Variants in TPM1 observed in about 807,000 individuals in gnomAD.
TPM1 encodes tropomyosin 1, also known as tropomyosin alpha-1 chain.
Under a neutral mutation model 42.9 loss-of-function variants are expected in TPM1, and 24 were observed. The observed-to-expected ratio is 0.56, with a 90% confidence interval of 0.41 to 0.79. The LOEUF (loss-of-function observed/expected upper bound fraction) is 0.79. Ranked by LOEUF, TPM1 falls within the 30% of genes least tolerant of loss-of-function variation. The pLI is 0.00. For synonymous variants in TPM1, 136 were observed against 130.1 expected (o/e 1.05, Z -0.31); for missense variants, 158 against 351.8 (o/e 0.45, Z 4.41).
chr15:63,045,360 TG>T (rs1277547021), intron 2 of TPM1: 2 of 152,232 alleles, frequency 1.3e-5, no homozygotes, highest in East Asian at 1.9e-4. Flanking sequence ...AAAGGGGATT[TG>T]GGGGGAAGCA....
At chr15:63,048,654 C>A (rs1394600820) in intron 2 of TPM1, 10 of 1,538,550 alleles carry the variant, frequency 6.5e-6, no homozygotes, top group Non-Finnish European at 8.7e-6. Flanking sequence ...CGCTGAGGAG[C>A]GCGCGGGCAC....
chr15:63,056,501 C>T lies in TPM1; in HGVS notation c.241-484C>T, dbSNP rs1484437033. 2.2e-5 allele frequency: 5 copies of T among 222,686 alleles called. No homozygotes were observed. In the Admixed American group the frequency reaches 2.7e-4, roughly 12 times the overall value. The allele number at this position is 222,686 out of a possible 1,614,324, so 13.8% of individuals were successfully genotyped here. On this transcript the variant is annotated intron_variant, in intron 2 of 9. Transcript: ENST00000403994. ...CTAACACGGTGAAACCCCGTCTCTA[C>T]TAAAAATACAAAAAAATTAGCCGGG...
At chr15:63,062,325 G>A (rs2035747645) in intron 7 of TPM1, 48 bp downstream of exon 7, 1 of 1,572,512 alleles carries the variant, frequency 6.4e-7, no homozygotes. Flanking sequence ...AAATGAGTTT[G>A]TTTTCATGGA....
chr15:63,064,990 A>G (rs1032513684), intron 9 of TPM1: 4 of 985,146 alleles, frequency 4.1e-6, no homozygotes, highest in Non-Finnish European at 4.8e-6. Context: ...ATGGTAGAGT[A>G]AAAAGAACCC....
At chr15:63,061,074 C>T in intron 5 of TPM1, 135 bp downstream of exon 5, 1 of 1,455,148 alleles carries the variant, frequency 6.9e-7, no homozygotes, top group Non-Finnish European at 9.6e-7. Context: ...GTGGATGAGC[C>T]ACGAGTATGG....
chr15:63,060,178 A>G (rs1328474309), intron 4 of TPM1, among the ~76,000 whole-genome samples: 6 of 152,232 alleles, frequency 3.9e-5, no homozygotes, highest in African/African-American at 9.6e-5. Context: ...TCGTGTCCCC[A>G]TGAAAACAGC....
chr15:63,052,177 A>G (rs1488777341), intron 2 of TPM1, among the ~76,000 whole-genome samples: 1 of 152,226 alleles, frequency 6.6e-6, no homozygotes, highest in Non-Finnish European at 1.5e-5. Context: ...AGAAACTAGC[A>G]TCCCAGATTG....
chr15:63,063,261 A>C (rs1277042482), intron 8 of TPM1: 2 of 985,340 alleles, frequency 2.0e-6, no homozygotes, highest in Non-Finnish European at 2.4e-6. Flanking sequence ...AAGAAAGAAA[A>C]AAGACAAATA....
chr15:63,061,061 G>C, intron 5 of TPM1, 122 bp downstream of exon 5: 3 of 1,470,930 alleles, frequency 2.0e-6, no homozygotes, highest in Non-Finnish European at 2.8e-6. Flanking sequence ...GTGCTCATTT[G>C]ATGTGGATGA....
chr15:63,061,436 T>C, intron 5 of TPM1: 1 of 797,956 alleles, frequency 1.3e-6, no homozygotes, highest in African/African-American at 1.7e-5. Flanking sequence ...TGCTCCTTTG[T>C]TTTCCCTTCA....
At chr15:63,071,333 C>T in exon 9 of TPM1, 2 of 760,642 alleles carry the variant, frequency 2.6e-6, no homozygotes, top group Non-Finnish European at 4.3e-6. Context: ...TACAAAAAGG[C>T]AAGCCCATGT....
downstream of TPM1, among the ~76,000 whole-genome samples, chr15:63,067,293 G>A (rs1332650409): frequency 6.6e-6 from 1 of 152,180 alleles, no homozygotes; most frequent in African/African-American, 2.4e-5. Context: ...AAGTATTTTA[G>A]TCATAGTATG....
Position 63,042,924 on chromosome 15 carries a change from C to T in TPM1, c.95C>T (p.Ala32Val). The T allele has an allele frequency of 1.2e-6, 2 of 1,603,956 alleles. No homozygotes were observed. The highest frequency in any genetic ancestry group is 2.2e-5 in the East Asian group (1 of 44,484). ...CAGGCGGAGGCCGACAAGAAGGCGG[C>T]GGAAGACAGGAGCAAGCAGGTCTGC... ...AEQAEADKKA[A>V]EDRSKQLEDE... is the part of the protein sequence containing the mutation. Residue 32 changes from alanine (A) to valine (V), a missense_variant, in exon 1 of 10, where the codon GCG (alanine) becomes GTG (valine). Physicochemically the swap from Ala to Val is moderately conservative, Grantham distance 64 (BLOSUM62 0). This residue lies in a region of TPM1 where 24 missense variants were observed against 26.8 expected (regional missense o/e 0.89). Coordinates refer to ENST00000403994, the MANE Select transcript of TPM1 (RefSeq NM_001018005.2).
At chr15:63,056,680 A>G (rs2034845750) in intron 2 of TPM1, 1 of 376,580 alleles carries the variant, frequency 2.7e-6, no homozygotes, top group Non-Finnish European at 5.1e-6. Context: ...AACAAAACAA[A>G]ACAAAACAAA....
At position 63,065,917 on chromosome 15, in the gene TPM1, C is replaced by T. The variant is rs756393228; in HGVS notation, c.*18C>T. The T allele has an allele frequency of 6.2e-7, 1 of 1,607,532 alleles. No individual in the cohort carries two copies. The highest frequency in any genetic ancestry group is 1.3e-5 in the African/African-American group (1 of 74,180). On this transcript the variant is annotated 3_prime_UTR_variant, in exon 10 of 10. Coordinates refer to ENST00000403994, the MANE Select transcript of TPM1 (RefSeq NM_001018005.2). ...GCAGATAAGTTTCTTTGCTTCACTT[C>T]TCCCAAGACTCCCTCGTCGAGCTGG...
downstream of TPM1, among the ~76,000 whole-genome samples, chr15:63,067,536 C>G (rs1437082478): frequency 6.6e-6 from 1 of 152,152 alleles, no homozygotes; most frequent in African/African-American, 2.4e-5. Context: ...TCATGTAATT[C>G]TGGAGGCACA....
chr15:63,053,313 C>G (rs754208542), intron 2 of TPM1, among the ~76,000 whole-genome samples: 7 of 152,066 alleles, frequency 4.6e-5, no homozygotes. Flanking sequence ...GGGTGGGGGC[C>G]GGAGAACATC....
At chr15:63,063,476 T>C in intron 8 of TPM1, 1 of 611,948 alleles carries the variant, frequency 1.6e-6, no homozygotes, top group Non-Finnish European at 2.0e-6. Context: ...CCTGGACCAG[T>C]AATAGGCAGC....
At chr15:63,056,908 T>G (rs1159658605) in intron 2 of TPM1, 77 bp from the exon 3 acceptor site, 2 of 1,598,158 alleles carry the variant, frequency 1.3e-6, no homozygotes, top group Non-Finnish European at 1.7e-6. Context: ...AAATCAGCAT[T>G]GCAGTCCCAG....
Sources: gnomAD v4.1 joint callset for allele counts (sites outside exome capture counted in the v4.1 genomes callset) on GRCh38, gnomAD v4.1.1 for gene constraint, gnomAD v4.1.1 regional missense constraint, MANE v1.5 for transcripts, NCBI Gene and HGNC (gene_info 2026-07-23, HGNC 2026-07-21) for gene names.